The following EIF4ENIF1 variants were observed in gnomAD, a reference collection of about 807,000 sequenced individuals.
EIF4ENIF1 encodes eukaryotic translation initiation factor 4E transporter.
EIF4ENIF1 carries 23 observed loss-of-function variants against 110.5 expected under a neutral mutation model. The ratio of observed to expected loss-of-function variants is 0.21; its 90% CI spans 0.15 to 0.29. EIF4ENIF1 has a LOEUF of 0.29. EIF4ENIF1 is among the 10% of genes least tolerant of loss of function. EIF4ENIF1 has a pLI of 1.00. For missense variants in EIF4ENIF1, 1,031 were observed against 1,221.1 expected (o/e 0.84, Z 2.32); for synonymous variants, 440 against 437.0 (o/e 1.01, Z -0.09).
chr22:31,448,090 T>C (rs1255330202), intron 13 of EIF4ENIF1, 63 bp downstream of exon 13: 29 of 1,561,402 alleles, frequency 1.9e-5, no homozygotes, highest in Non-Finnish European at 2.2e-5. Flanking sequence ...AGCTCTCCAC[T>C]CCCCATGCAC....
intron 2 of EIF4ENIF1, 109 bp downstream of exon 2, chr22:31,488,514 T>A: frequency 1.4e-6 from 2 of 1,466,902 alleles, no homozygotes; most frequent in Admixed American, 3.9e-5. Flanking sequence ...ATTTAGTCCA[T>A]GTAGTGAGTC....
chr22:31,478,824 T>G (rs1601642749), intron 2 of EIF4ENIF1, among the ~76,000 whole-genome samples: 1 of 150,918 alleles, frequency 6.6e-6, no homozygotes, highest in Admixed American at 6.6e-5. Context: ...TGGTGGCAGG[T>G]GCCTGTAGTC....
At chr22:31,457,958 G>A (rs1025009861) in intron 7 of EIF4ENIF1, among the ~76,000 whole-genome samples, 6 of 152,028 alleles carry the variant, frequency 3.9e-5, no homozygotes, top group Admixed American at 1.3e-4. Flanking sequence ...AGCCAGGTGC[G>A]GTGGCTCACG....
chr22:31,481,065 AAGC>A (rs1238449778), intron 2 of EIF4ENIF1, among the ~76,000 whole-genome samples: 1 of 152,174 alleles, frequency 6.6e-6, no homozygotes, highest in Non-Finnish European at 1.5e-5. Flanking sequence ...GGGTAGGAAA[AAGC>A]AGTCAGAAGC....
At chr22:31,487,804 A>G (rs890732120) in intron 2 of EIF4ENIF1, among the ~76,000 whole-genome samples, 2 of 151,910 alleles carry the variant, frequency 1.3e-5, no homozygotes, top group East Asian at 1.9e-4. Flanking sequence ...AAAAAAAAAA[A>G]AAAAAAAAAG....
chr22:31,456,293 G>T (rs1350831169), intron 7 of EIF4ENIF1, among the ~76,000 whole-genome samples: 6 of 148,226 alleles, frequency 4.0e-5, no homozygotes, highest in East Asian at 2.0e-4. Context: ...GCACGATCTC[G>T]GCTCACTGCA....
rs938804684 is a variant in EIF4ENIF1, at chr22:31,463,829, C to T, written c.437G>A (p.Gly146Glu). The T allele has an allele frequency of 6.2e-7, 1 of 1,613,864 alleles. No homozygotes were observed. Residue 146 changes from glycine (G) to glutamate (E), a missense_variant, in exon 5 of 19, where the codon GGG becomes GAG. Coordinates refer to ENST00000330125, the MANE Select transcript of EIF4ENIF1 (RefSeq NM_019843.4). ...SGSPLEKDSD[G>E]LRLLGGRRIG... ...CCTACGTCCACCAAGCAGACGAAGC[C>T]CATCACTATCTTTCTCTAATGGACT...
chr22:31,468,890 A>G lies in EIF4ENIF1; in HGVS notation c.171-588T>C, dbSNP rs189550884. On this transcript the variant is annotated intron_variant, in intron 3 of 18. Transcript: ENST00000330125. ...TACCTTGGCATGCACATGGATTACA[A>G]TAACTACGCCTGTACTATACAAAGA... 1.2e-3 allele frequency among the ~76,000 whole-genome samples: 176 copies of G among 152,364 alleles called. No homozygotes were observed. The Middle Eastern group carries it at 0.014, about 12-fold the overall frequency.
At chr22:31,482,809 A>C (rs1417005073) in intron 2 of EIF4ENIF1, among the ~76,000 whole-genome samples, 1 of 151,476 alleles carries the variant, frequency 6.6e-6, no homozygotes, top group Non-Finnish European at 1.5e-5. Context: ...GGATCATGAG[A>C]TCAGGAGATC....
intron 3 of EIF4ENIF1, 110 bp from the exon 4 acceptor site, chr22:31,468,412 T>C: frequency 1.4e-6 from 2 of 1,481,240 alleles, no homozygotes; most frequent in Non-Finnish European, 1.8e-6. Flanking sequence ...TCTCCTTTTT[T>C]GAGACAGGGT....
intron 6 of EIF4ENIF1, 91 bp from the exon 7 acceptor site, chr22:31,458,741 G>C (rs893818178): frequency 1.7e-6 from 2 of 1,205,212 alleles, no homozygotes; most frequent in Admixed American, 2.5e-5. Flanking sequence ...ATGTAGAAGA[G>C]CCACACATGA....
intron 2 of EIF4ENIF1, among the ~76,000 whole-genome samples, chr22:31,480,526 G>C (rs533690814): frequency 6.6e-6 from 1 of 152,322 alleles, no homozygotes; most frequent in Admixed American, 6.5e-5. Flanking sequence ...GGGAGGGTGA[G>C]ACGGGCAGAT....
At chr22:31,488,784 G>GT in intron 1 of EIF4ENIF1, 39 bp from the exon 2 acceptor site, 25 of 1,555,432 alleles carry the variant, frequency 1.6e-5, no homozygotes, top group Non-Finnish European at 1.9e-5. Context: ...ACCGAGAACA[G>GT]TAAGTTTTCA....
intron 10 of EIF4ENIF1, 103 bp from the exon 11 acceptor site, chr22:31,450,463 TAGC>T (rs1569072420): frequency 1.2e-6 from 1 of 851,742 alleles, no homozygotes; most frequent in African/African-American, 1.7e-5. Flanking sequence ...AGGGAGTTAA[TAGC>T]AGAATGATAC....
At position 31,458,585 on chromosome 22, in the gene EIF4ENIF1, G is replaced by A. The variant is rs2050897834; in HGVS notation, c.853C>T (p.Pro285Ser). Residue 285 changes from proline to serine, a missense_variant, in exon 7 of 19, where the codon CCT becomes TCT. Transcript: ENST00000330125. ...CTTGGCACTTCCTGATCAGCCGCAG[G>A]CTCCTGTGCAAGGATGACCTCCACT... ...DEVEVILAQEPAADQEVPRDA... is the reference protein window; with the variant it reads ...DEVEVILAQESAADQEVPRDA... 1 of 1,613,702 alleles carries A rather than the reference G, an allele frequency of 6.2e-7. No individual in the cohort carries two copies. The highest frequency in any genetic ancestry group is 8.5e-7 in the Non-Finnish European group (1 of 1,179,784).
At chr22:31,450,154 G>A in intron 11 of EIF4ENIF1, 135 bp downstream of exon 11, 1 of 705,304 alleles carries the variant, frequency 1.4e-6, no homozygotes, top group South Asian at 1.7e-5. Flanking sequence ...AACTATGTCA[G>A]GCAACAATAT....
At chr22:31,463,625 A>C in intron 5 of EIF4ENIF1, 56 bp downstream of exon 5, 2 of 1,470,578 alleles carry the variant, frequency 1.4e-6, no homozygotes, top group Non-Finnish European at 1.8e-6. Flanking sequence ...CAGCCTGGGC[A>C]ACAAGAGCGA....
chr22:31,462,417 G>A (rs1354832266), intron 6 of EIF4ENIF1, among the ~76,000 whole-genome samples: 1 of 151,804 alleles, frequency 6.6e-6, no homozygotes, highest in African/African-American at 2.4e-5. Flanking sequence ...CCAAGGAAAT[G>A]GAGGCTGCAG....
intron 2 of EIF4ENIF1, among the ~76,000 whole-genome samples, chr22:31,472,808 T>C (rs1224235562): frequency 6.6e-6 from 1 of 152,206 alleles, no homozygotes. Context: ...GTATTTATCC[T>C]TCCTATGTTT....
Sources: gnomAD v4.1 joint callset for allele counts (sites outside exome capture counted in the v4.1 genomes callset) on GRCh38, gnomAD v4.1.1 for gene constraint, MANE v1.5 for transcripts, NCBI Gene and HGNC (gene_info 2026-07-23, HGNC 2026-07-21) for gene names.